Variants in ELMO1 observed in about 807,000 individuals in gnomAD.
The protein encoded by ELMO1 is engulfment and cell motility 1, also known as engulfment and cell motility protein 1.
ELMO1 carries 26 observed loss-of-function variants against 98.9 expected under a neutral mutation model. The ratio of observed to expected loss-of-function variants is 0.26; its 90% CI spans 0.19 to 0.36. The LOEUF is 0.36. Ranked by LOEUF, ELMO1 falls within the 10% of genes least tolerant of loss-of-function variation. ELMO1 has a pLI of 1.00. For missense variants in ELMO1, 627 were observed against 935.2 expected (o/e 0.67, Z 4.30); for synonymous variants, 346 against 346.0 (o/e 1.00, Z 0.00).
chr7:37,256,844 T>C (rs1342715114), intron 6 of ELMO1, among the ~76,000 whole-genome samples: 1 of 151,976 alleles, frequency 6.6e-6, no homozygotes, highest in African/African-American at 2.4e-5. Flanking sequence ...CAGAAAGATC[T>C]CTAACTTGCA....
At chr7:37,097,608 GAAA>G (rs371563717) in intron 14 of ELMO1, among the ~76,000 whole-genome samples, 1 of 142,124 alleles carries the variant, frequency 7.0e-6, no homozygotes, top group Non-Finnish European at 1.5e-5. Context: ...GAGAGAAAGA[GAAA>G]AAAAAAGAAA....
chr7:36,954,411 T>G (rs1480824658), intron 16 of ELMO1, among the ~76,000 whole-genome samples: 3 of 152,164 alleles, frequency 2.0e-5, no homozygotes, highest in Non-Finnish European at 4.4e-5. Flanking sequence ...TGGAAGGCTG[T>G]CAGCCTGATT....
At chr7:36,882,622 C>T (rs1201789126) in intron 18 of ELMO1, among the ~76,000 whole-genome samples, 1 of 152,228 alleles carries the variant, frequency 6.6e-6, no homozygotes, top group Non-Finnish European at 1.5e-5. Context: ...TGAAGTCACA[C>T]ATAGCTGGAT....
chr7:37,197,317 G>GA (rs1189481329), intron 13 of ELMO1: 1 of 152,216 alleles, frequency 6.6e-6, no homozygotes, highest in East Asian at 1.9e-4. Context: ...CTTCCCATTG[G>GA]AAAGGTTTTG....
At chr7:37,359,833 G>A (rs542238546) in intron 1 of ELMO1, among the ~76,000 whole-genome samples, 1 of 152,108 alleles carries the variant, frequency 6.6e-6, no homozygotes, top group South Asian at 2.1e-4. Flanking sequence ...TATTGATCAC[G>A]GTCACACCTT....
intron 15 of ELMO1, among the ~76,000 whole-genome samples, chr7:37,047,252 A>G (rs1172017126): frequency 6.6e-6 from 1 of 152,224 alleles, no homozygotes; most frequent in Non-Finnish European, 1.5e-5. Flanking sequence ...AATTTAACAG[A>G]ATAGCTTGTT....
At chr7:37,409,197 T>G (rs1325703431) in intron 1 of ELMO1, among the ~76,000 whole-genome samples, 1 of 152,082 alleles carries the variant, frequency 6.6e-6, no homozygotes, top group Non-Finnish European at 1.5e-5. Context: ...GTGGGTAGCT[T>G]TTTAGGTTCT....
chr7:37,092,665 A>G (rs910398921), intron 15 of ELMO1, among the ~76,000 whole-genome samples: 20 of 152,014 alleles, frequency 1.3e-4, no homozygotes, highest in African/African-American at 4.1e-4. Flanking sequence ...GTGAGCCAAC[A>G]CATCCGGCCC....
chr7:37,216,550 C>A, intron 11 of ELMO1, 95 bp downstream of exon 11: 1 of 1,434,752 alleles, frequency 7.0e-7, no homozygotes, highest in Non-Finnish European at 9.7e-7. Context: ...AAGGAAGTCA[C>A]AGAACAAACC....
chr7:37,298,037 G>A (rs2131002771), intron 4 of ELMO1, among the ~76,000 whole-genome samples: 1 of 152,136 alleles, frequency 6.6e-6, no homozygotes, highest in Middle Eastern at 3.4e-3. Flanking sequence ...GTCTCAATAT[G>A]CCTAATCTGT....
chr7:37,425,187 A>G (rs1406462804), intron 1 of ELMO1, among the ~76,000 whole-genome samples: 2 of 152,196 alleles, frequency 1.3e-5, no homozygotes, highest in Non-Finnish European at 2.9e-5. Flanking sequence ...ATGTGAGATC[A>G]GGGTGCCAGC....
chr7:36,944,456 T>C (rs1251558500), intron 16 of ELMO1, among the ~76,000 whole-genome samples: 1 of 152,210 alleles, frequency 6.6e-6, no homozygotes, highest in Non-Finnish European at 1.5e-5. Flanking sequence ...CCCACATGAT[T>C]TTCACTCTAC....
chr7:37,211,279 C>T (rs762396883), intron 13 of ELMO1, 107 bp downstream of exon 13: 14 of 1,503,438 alleles, frequency 9.3e-6, no homozygotes, highest in Admixed American at 7.6e-5. Flanking sequence ...GAAACTATTC[C>T]GTAAAGCGCA....
chr7:36,895,066 A>G (rs751696667), intron 16 of ELMO1, 49 bp from the exon 17 acceptor site: 2 of 1,601,778 alleles, frequency 1.2e-6, no homozygotes, highest in Non-Finnish European at 1.7e-6. Context: ...GACCTTTCCC[A>G]TTCAGAAAAG....
chr7:37,214,671 T>C (rs1283118107), intron 11 of ELMO1, among the ~76,000 whole-genome samples: 2 of 136,902 alleles, frequency 1.5e-5, no homozygotes, highest in Non-Finnish European at 3.1e-5. Flanking sequence ...GGAAGCTAGA[T>C]AACGGATGGT....
intron 16 of ELMO1, among the ~76,000 whole-genome samples, chr7:36,989,398 A>G (rs1016945312): frequency 6.6e-6 from 1 of 152,206 alleles, no homozygotes; most frequent in Non-Finnish European, 1.5e-5. Context: ...GTCCAAGTGC[A>G]TCTCTCCCCA....
At chr7:37,221,012 G>A (rs1273360869) in intron 10 of ELMO1, among the ~76,000 whole-genome samples, 1 of 152,116 alleles carries the variant, frequency 6.6e-6, no homozygotes, top group African/African-American at 2.4e-5. Context: ...CTGCTTGGGA[G>A]TTATGAGTTC....
chr7:37,177,976 C>A (rs1790585345), intron 13 of ELMO1, among the ~76,000 whole-genome samples: 1 of 151,992 alleles, frequency 6.6e-6, no homozygotes, highest in South Asian at 2.1e-4. Flanking sequence ...GGGAGTTAGG[C>A]ACTGGGGAAC....
chr7:36,931,924 T>C (rs1786081505), intron 16 of ELMO1, among the ~76,000 whole-genome samples: 1 of 152,252 alleles, frequency 6.6e-6, no homozygotes, highest in Admixed American at 6.5e-5. Flanking sequence ...TGTGTATATC[T>C]TTCTCTCTTT....
Sources: allele counts gnomAD v4.1 joint callset (sites outside exome capture counted in the v4.1 genomes callset), GRCh38; gene constraint gnomAD v4.1.1; transcripts MANE v1.5; gene names NCBI Gene and HGNC (gene_info 2026-07-23, HGNC 2026-07-21).